SLC4A5: variants seen among roughly 807,000 people sequenced by gnomAD.
SLC4A5 encodes electrogenic sodium bicarbonate cotransporter 4.
SLC4A5 carries 96 observed loss-of-function variants against 120.4 expected under a neutral mutation model. That is an observed-to-expected ratio of 0.80 (90% CI 0.68 to 0.94). The LOEUF (loss-of-function observed/expected upper bound fraction) is 0.94. Among genes scored for constraint, SLC4A5 ranks in the 40% least tolerant of loss-of-function variants. The probability of loss-of-function intolerance (pLI) is 0.00; values close to 1 mark genes in which losing one functional copy is unlikely to be tolerated. For synonymous variants in SLC4A5, 550 were observed against 571.1 expected, an observed-to-expected ratio of 0.96 and a Z score of 0.53; for missense variants, 1,259 against 1,459.5, an observed-to-expected ratio of 0.86 and a Z score of 2.24.
intron 5 of SLC4A5, among the ~76,000 whole-genome samples, chr2:74,316,189 T>G (rs1672958522): frequency 2.0e-5 from 3 of 151,570 alleles, no homozygotes; most frequent in African/African-American, 7.3e-5. Context: ...ACAATAGAAG[T>G]ATCAAAATTG....
intron 14 of SLC4A5, among the ~76,000 whole-genome samples, chr2:74,254,211 C>T (rs186575244): frequency 6.6e-6 from 1 of 152,242 alleles, no homozygotes; most frequent in East Asian, 1.9e-4. Flanking sequence ...TTACCTCCTG[C>T]CCTTGAAGCT....
chr2:74,291,813 C>T (rs1672181723), intron 7 of SLC4A5, among the ~76,000 whole-genome samples: 2 of 152,208 alleles, frequency 1.3e-5, no homozygotes, highest in Non-Finnish European at 1.5e-5. Flanking sequence ...AAGCAGAGGA[C>T]ACCAGGCCCT....
At chr2:74,285,746 C>A in intron 8 of SLC4A5, 27 bp downstream of exon 8, 1 of 1,604,792 alleles carries the variant, frequency 6.2e-7, no homozygotes, top group South Asian at 1.1e-5. Flanking sequence ...CTGAAGTGCC[C>A]ACCTCCCTCG....
chr2:74,306,265 C>T (rs1160259956), intron 6 of SLC4A5, among the ~76,000 whole-genome samples: 3 of 152,208 alleles, frequency 2.0e-5, no homozygotes, highest in Non-Finnish European at 4.4e-5. Flanking sequence ...TGACCAGAGA[C>T]ATGCCAGCCC....
intron 5 of SLC4A5, among the ~76,000 whole-genome samples, chr2:74,320,936 G>C (rs1410197816): frequency 6.6e-6 from 1 of 152,184 alleles, no homozygotes; most frequent in Non-Finnish European, 1.5e-5. Flanking sequence ...ATACTCAACT[G>C]TGAGCAATAT....
At chr2:74,337,009 G>C (rs1307063879) in intron 3 of SLC4A5, among the ~76,000 whole-genome samples, 2 of 152,186 alleles carry the variant, frequency 1.3e-5, no homozygotes. Context: ...ATGGTCATGA[G>C]AAAGATCAAG....
intron 3 of SLC4A5, among the ~76,000 whole-genome samples, chr2:74,338,557 G>A (rs1558920922): frequency 6.6e-6 from 1 of 152,084 alleles, no homozygotes; most frequent in Non-Finnish European, 1.5e-5. Flanking sequence ...AGTGGCTCAC[G>A]CCTGTAATCC....
At chr2:74,304,672 G>A (rs1672584856) in exon 7 of SLC4A5, 17 of 1,612,564 alleles carry the variant, frequency 1.1e-5, no homozygotes, top group Non-Finnish European at 1.4e-5. Flanking sequence ...ATGTGGATAG[G>A]AGGGCATTCT....
intron 6 of SLC4A5, chr2:74,307,346 T>C (rs1672675439): frequency 3.4e-6 from 2 of 588,024 alleles, no homozygotes; most frequent in Admixed American, 4.0e-5. Flanking sequence ...TCTGGGCTTG[T>C]AGGTCTTTTA....
At chr2:74,262,081 T>A (rs1671154111) in intron 11 of SLC4A5, 56 bp downstream of exon 11, 8 of 1,529,004 alleles carry the variant, frequency 5.2e-6, no homozygotes, top group Non-Finnish European at 7.2e-6. Context: ...TGTGGCCATG[T>A]CACAGCTGCC....
intron 5 of SLC4A5, among the ~76,000 whole-genome samples, chr2:74,315,793 T>C (rs1672949860): frequency 6.6e-6 from 1 of 151,708 alleles, no homozygotes; most frequent in South Asian, 2.1e-4. Context: ...TGAGACTCTA[T>C]CTCTACGAAA....
chr2:74,224,495 A>G (rs556119535), intron 28 of SLC4A5, among the ~76,000 whole-genome samples: 2 of 152,286 alleles, frequency 1.3e-5, no homozygotes, highest in East Asian at 1.9e-4. Context: ...GTCAGTCTTC[A>G]TAACCTCCTT....
At chr2:74,320,623 C>T (rs150896074) in intron 5 of SLC4A5, among the ~76,000 whole-genome samples, 1 of 152,100 alleles carries the variant, frequency 6.6e-6, no homozygotes, top group African/African-American at 2.4e-5. Flanking sequence ...ACCTTCGATG[C>T]ACCTTTTTTT....
rs199847513 is a variant in SLC4A5, at chr2:74,241,947, T to C, written c.2118+47A>G. 880 of 1,569,054 alleles carry C rather than the reference T, an allele frequency of 5.6e-4. 3 individuals are homozygous for C. Among genetic ancestry groups the C allele is most frequent in the Admixed American group, 2.2e-3 (128 of 58,670 alleles). Reference sequence around the variant, plus strand: ...TTCCAAAATCTTTTCTCCCTCCTCCTACAAACAAAAGCACTCAAATGTCTA... The same window carrying C: ...TTCCAAAATCTTTTCTCCCTCCTCCCACAAACAAAAGCACTCAAATGTCTA... On this transcript the variant is annotated intron_variant, in intron 20 of 30. Coordinates refer to ENST00000394019, the Ensembl canonical transcript of SLC4A5.
chr2:74,244,940 C>T (rs1165624386), intron 19 of SLC4A5, among the ~76,000 whole-genome samples: 1 of 152,092 alleles, frequency 6.6e-6, no homozygotes, highest in East Asian at 1.9e-4. Context: ...TTCATTATGT[C>T]CCTCATAATG....
chr2:74,299,594 T>C (rs1672420509), intron 7 of SLC4A5, among the ~76,000 whole-genome samples: 1 of 152,152 alleles, frequency 6.6e-6, no homozygotes, highest in Non-Finnish European at 1.5e-5. Context: ...AACAAAGAAA[T>C]AGCCAATAGG....
intron 22 of SLC4A5, 137 bp from the exon 23 acceptor site, chr2:74,233,700 C>T (rs754989947): frequency 8.0e-5 from 78 of 977,168 alleles, no homozygotes; most frequent in Non-Finnish European, 1.1e-4. Flanking sequence ...CCCTTAAACA[C>T]CTTAGGTAGC....
At chr2:74,306,749 AT>A in intron 6 of SLC4A5, 1 of 1,155,534 alleles carries the variant, frequency 8.7e-7, no homozygotes, top group Non-Finnish European at 1.2e-6. Context: ...CTTTGGTGTC[AT>A]TATTCTCAGA....
At chr2:74,307,834 C>T in intron 6 of SLC4A5, 1 of 471,298 alleles carries the variant, frequency 2.1e-6, no homozygotes, top group Non-Finnish European at 4.1e-6. Context: ...CCCCCAGACC[C>T]CATGCCACCC....
Sources: gnomAD v4.1 joint callset for allele counts (sites outside exome capture counted in the v4.1 genomes callset) on GRCh38, gnomAD v4.1.1 for gene constraint, MANE v1.5 for transcripts, NCBI Gene and HGNC (gene_info 2026-07-23, HGNC 2026-07-21) for gene names.